The following SMIM31 variants were observed in gnomAD, a reference collection of about 807,000 sequenced individuals.
SMIM31 encodes human epithelial cell program regulator.
chr4:164,799,366 C>G (rs532271054), intron 2 of SMIM31, among the ~76,000 whole-genome samples: 1 of 151,912 alleles, frequency 6.6e-6, no homozygotes, highest in Non-Finnish European at 1.5e-5. Flanking sequence ...GCCTGGGCAA[C>G]AGAGCAAGCC....
chr4:164,792,797 A>C (rs796143951), intron 2 of SMIM31, among the ~76,000 whole-genome samples: 12 of 152,278 alleles, frequency 7.9e-5, no homozygotes, highest in African/African-American at 2.9e-4. Flanking sequence ...ATAGAATCTC[A>C]AGGCACCCTA....
intron 2 of SMIM31, among the ~76,000 whole-genome samples, chr4:164,781,354 C>T (rs1056053259): frequency 3.3e-5 from 5 of 152,142 alleles, no homozygotes; most frequent in African/African-American, 1.2e-4. Context: ...AATGTTTATA[C>T]CATTATTCAC....
chr4:164,781,160 A>ACACACACAC (rs1732944843), intron 2 of SMIM31, among the ~76,000 whole-genome samples: 3 of 150,728 alleles, frequency 2.0e-5, no homozygotes, highest in African/African-American at 7.4e-5. Flanking sequence ...ACACACACAC[A>ACACACACAC]ATACCAAGTA....
intron 2 of SMIM31, among the ~76,000 whole-genome samples, chr4:164,789,955 T>C (rs181001890): frequency 6.6e-6 from 1 of 152,330 alleles, no homozygotes. Context: ...AATCTAGTTA[T>C]ACGTAGAAGA....
chr4:164,769,128 C>G (rs1268249826), intron 1 of SMIM31, among the ~76,000 whole-genome samples: 1 of 152,050 alleles, frequency 6.6e-6, no homozygotes, highest in African/African-American at 2.4e-5. Flanking sequence ...TGAGTTTTAT[C>G]CCTTCCTCTC....
At chr4:164,762,410 A>G (rs981133398) in intron 1 of SMIM31, among the ~76,000 whole-genome samples, 1 of 152,124 alleles carries the variant, frequency 6.6e-6, no homozygotes, top group Admixed American at 6.6e-5. Flanking sequence ...TAATTCAATC[A>G]AATGATTGAA....
chr4:164,771,296 A>G (rs1173274229), intron 2 of SMIM31, among the ~76,000 whole-genome samples: 1 of 152,214 alleles, frequency 6.6e-6, no homozygotes, highest in African/African-American at 2.4e-5. Context: ...TTTCCTGCTC[A>G]CAATTGTTTC....
At chr4:164,768,427 C>CAAAAAAAAAAAAAAAAAAAAA (rs758951225) in intron 1 of SMIM31, among the ~76,000 whole-genome samples, 2 of 94,716 alleles carry the variant, frequency 2.1e-5, no homozygotes, top group African/African-American at 3.9e-5. Context: ...CAGTACATCT[C>CAAAAAAAAAAAAAAAAAAAAA]AAAAAAAAAA....
At chr4:164,785,708 A>G (rs1187583968) in intron 2 of SMIM31, among the ~76,000 whole-genome samples, 3 of 151,760 alleles carry the variant, frequency 2.0e-5, no homozygotes, top group African/African-American at 4.8e-5. Context: ...TATGCAATGC[A>G]TATATTTACA....
intron 2 of SMIM31, among the ~76,000 whole-genome samples, chr4:164,789,312 C>A (rs957379293): frequency 5.9e-5 from 9 of 152,204 alleles, no homozygotes; most frequent in Non-Finnish European, 1.0e-4. Context: ...TACAAATGAA[C>A]TCACTCAGGC....
intron 2 of SMIM31, among the ~76,000 whole-genome samples, chr4:164,795,829 G>A (rs966192649): frequency 1.3e-5 from 2 of 152,106 alleles, no homozygotes; most frequent in Admixed American, 1.3e-4. Flanking sequence ...TGCCGGGGCT[G>A]CATAGTATAA....
chr4:164,792,859 G>C (rs1335992987), intron 2 of SMIM31, among the ~76,000 whole-genome samples: 2 of 152,102 alleles, frequency 1.3e-5, no homozygotes, highest in African/African-American at 4.8e-5. Flanking sequence ...CATATTTCCT[G>C]ATTTCAAAAC....
Position 164,801,564 on chromosome 4 carries a change from GAC to G in SMIM31, c.*376_*377del, listed in dbSNP as rs770856862. On this transcript the variant is annotated 3_prime_UTR_variant, in exon 3 of 3. Coordinates refer to ENST00000507311, the MANE Select transcript of SMIM31 (RefSeq NM_001352885.1). Reference sequence around the variant, plus strand: ...ATTTAATCACTTTTTTTGGTCCTGCGACACACATGATAATTTTTGTCTTAATT... The same window carrying G: ...ATTTAATCACTTTTTTTGGTCCTGCGACACATGATAATTTTTGTCTTAATT... The G allele has an allele frequency of 7.8e-4, 122 of 157,364 alleles. No individual in the cohort carries two copies. Among genetic ancestry groups the G allele is most frequent in the Non-Finnish European group, 1.1e-3 (82 of 71,746 alleles). The allele number at this position is 157,364 out of a possible 1,614,324, so 9.7% of individuals were successfully genotyped here. A position where few individuals can be genotyped will look rare whatever the true frequency, so the allele number is the denominator to read the frequency against.
intron 2 of SMIM31, among the ~76,000 whole-genome samples, chr4:164,785,227 A>C (rs1733012437): frequency 9.0e-6 from 1 of 111,644 alleles, no homozygotes; most frequent in African/African-American, 4.3e-5. Context: ...TATCTCAAAA[A>C]AATAAATAAA....
chr4:164,790,053 G>A (rs537867530), intron 2 of SMIM31, among the ~76,000 whole-genome samples: 232 of 152,092 alleles, frequency 1.5e-3, no homozygotes, highest in Non-Finnish European at 2.9e-3. Context: ...TCTGTCTCAC[G>A]ATATATTCAA....
intron 2 of SMIM31, among the ~76,000 whole-genome samples, chr4:164,775,073 T>C (rs534873769): frequency 6.6e-6 from 1 of 152,326 alleles, no homozygotes; most frequent in South Asian, 2.1e-4. Context: ...CATCGAACTT[T>C]ATCTGAGCTC....
At chr4:164,773,549 A>C (rs551894295) in intron 2 of SMIM31, among the ~76,000 whole-genome samples, 2 of 152,118 alleles carry the variant, frequency 1.3e-5, no homozygotes, top group Non-Finnish European at 2.9e-5. Context: ...AAACCATCAG[A>C]TCTTGTGAGA....
intron 1 of SMIM31, among the ~76,000 whole-genome samples, chr4:164,769,589 C>G (rs1732765306): frequency 1.0e-5 from 1 of 98,246 alleles, no homozygotes; most frequent in Non-Finnish European, 1.9e-5. Context: ...ACACCGGGGC[C>G]TGTTGTGGGG....
At chr4:164,786,537 C>G (rs1348753905) in intron 2 of SMIM31, among the ~76,000 whole-genome samples, 1 of 152,074 alleles carries the variant, frequency 6.6e-6, no homozygotes, top group African/African-American at 2.4e-5. Context: ...CTTTTGAAAA[C>G]ATATTTTAGC....
Sources: allele counts gnomAD v4.1 joint callset (sites outside exome capture counted in the v4.1 genomes callset), GRCh38; gene constraint gnomAD v4.1.1; transcripts MANE v1.5; gene names NCBI Gene and HGNC (gene_info 2026-07-23, HGNC 2026-07-21).